ALDH4A1: variants seen among roughly 807,000 people sequenced by gnomAD.
The protein encoded by ALDH4A1 is aldehyde dehydrogenase 4 family member A1, also known as delta-1-pyrroline-5-carboxylate dehydrogenase, mitochondrial.
In ALDH4A1, 46 loss-of-function variants were observed where a neutral mutation model predicts 70.5. The ratio of observed to expected loss-of-function variants is 0.65; its 90% CI spans 0.51 to 0.83. ALDH4A1 has a LOEUF of 0.83. ALDH4A1 is among the 40% of genes least tolerant of loss of function. The pLI is 0.00. For synonymous variants in ALDH4A1, 323 were observed against 324.3 expected (o/e 1.00, Z 0.04); for missense variants, 749 against 766.5 (o/e 0.98, Z 0.27).
chr1:18,874,189 C>A (rs1037361989), intron 14 of ALDH4A1, among the ~76,000 whole-genome samples: 2 of 152,232 alleles, frequency 1.3e-5, no homozygotes, highest in African/African-American at 4.8e-5. Flanking sequence ...GGGACACTGG[C>A]TATGGTGCAG....
At chr1:18,890,501 C>T (rs1161418712) in intron 1 of ALDH4A1, among the ~76,000 whole-genome samples, 1 of 152,098 alleles carries the variant, frequency 6.6e-6, no homozygotes, top group African/African-American at 2.4e-5. Context: ...GAGCCGAGAT[C>T]GTGCCACTGC....
At chr1:18,886,831 G>C (rs572934207) in intron 3 of ALDH4A1, among the ~76,000 whole-genome samples, 1 of 152,160 alleles carries the variant, frequency 6.6e-6, no homozygotes, top group Non-Finnish European at 1.5e-5. Context: ...TCGAATCCTG[G>C]CTCTGCCACC....
At chr1:18,885,061 C>T (rs1391188190) in intron 5 of ALDH4A1, among the ~76,000 whole-genome samples, 1 of 152,050 alleles carries the variant, frequency 6.6e-6, no homozygotes, top group Non-Finnish European at 1.5e-5. Flanking sequence ...TGGGACTTGC[C>T]TCTCAGTGGT....
chr1:18,888,577 G>A (rs1174090634), intron 3 of ALDH4A1, among the ~76,000 whole-genome samples: 2 of 152,258 alleles, frequency 1.3e-5, no homozygotes, highest in Admixed American at 6.5e-5. Flanking sequence ...CGGAGCTACA[G>A]GTGAGGGCAA....
intron 3 of ALDH4A1, among the ~76,000 whole-genome samples, chr1:18,888,035 C>T (rs895903846): frequency 3.9e-5 from 6 of 152,182 alleles, no homozygotes; most frequent in Admixed American, 1.3e-4. Flanking sequence ...GCTACCTATC[C>T]GTCTTCTGGT....
chr1:18,876,351 C>T lies in ALDH4A1; in HGVS notation c.1302G>A (p.Val434=). The part of the protein sequence containing the change: ...SVGYFVEPCI[V]ESKDPQEPIM... ...TGGGCTCCTGAGGGTCCTTGCTCTC[C>T]ACGATGCAGGGCTCCACAAAGTAGC... The change falls in exon 12 of 15, where the codon GTG becomes GTA. Residue 434 remains valine (V), a synonymous_variant. Transcript: ENST00000375341. 1.2e-6 allele frequency: 2 copies of T among 1,613,982 alleles called. No homozygotes were observed. The highest frequency in any genetic ancestry group is 1.7e-6 in the Non-Finnish European group (2 of 1,180,012).
At chr1:18,873,661 G>A (rs932926663) in intron 14 of ALDH4A1, among the ~76,000 whole-genome samples, 2 of 152,198 alleles carry the variant, frequency 1.3e-5, no homozygotes, top group East Asian at 1.9e-4. Context: ...GGCACAGCCC[G>A]AACTCCAGGG....
chr1:18,901,044 C>CATGGG, intron 1 of ALDH4A1: 1 of 289,912 alleles, frequency 3.4e-6, no homozygotes. Flanking sequence ...ATGTAAATTC[C>CATGGG]CTGGGTACCC....
chr1:18,874,696 C>T (rs1050139862), intron 13 of ALDH4A1, 115 bp from the exon 14 acceptor site: 7 of 1,016,726 alleles, frequency 6.9e-6, no homozygotes, highest in African/African-American at 6.5e-5. Flanking sequence ...AACAGGAGGC[C>T]GAGTCAGGGA....
intron 1 of ALDH4A1, among the ~76,000 whole-genome samples, chr1:18,899,259 T>C (rs1458285726): frequency 1.3e-5 from 2 of 152,220 alleles, no homozygotes; most frequent in African/African-American, 2.4e-5. Context: ...AGGAAAAGCA[T>C]TGTGTGCTTT....
At position 18,883,320 on chromosome 1, in the gene ALDH4A1, C is replaced by T. The variant is rs138334153; in HGVS notation, c.562G>A (p.Val188Met). 44 of 1,613,174 alleles carry T rather than the reference C, an allele frequency of 2.7e-5. No homozygotes were observed. The highest frequency in any genetic ancestry group is 3.5e-5 in the Non-Finnish European group (41 of 1,180,050). Residue 188 changes from valine to methionine, a missense_variant, in exon 6 of 15, where the codon GTG (valine) becomes ATG (methionine). Physicochemically the swap from Val to Met is conservative, Grantham distance 21. Transcript: ENST00000375341. The stretch of plus-strand genomic sequence containing the variant: ...ACCGTGCTGTTGGTGCTCGGGGGCA[C>T]GCTGATGGGCTGCTGCCCCTCCAGC... ...VELEGQQPIS[V>M]PPSTNSTVYR...
chr1:18,873,115 A>G (rs914092324), intron 14 of ALDH4A1, among the ~76,000 whole-genome samples, 158 bp from the exon 15 acceptor site: 2 of 152,192 alleles, frequency 1.3e-5, no homozygotes, highest in African/African-American at 2.4e-5. Flanking sequence ...AGGGATGGAC[A>G]GGAGACCCTG....
At chr1:18,882,030 C>A in intron 7 of ALDH4A1, 143 bp from the exon 8 acceptor site, 1 of 866,652 alleles carries the variant, frequency 1.2e-6, no homozygotes, top group Non-Finnish European at 1.9e-6. Flanking sequence ...CCCGACCCCA[C>A]TCCTCCAAGG....
chr1:18,879,279 A>T, intron 9 of ALDH4A1, 21 bp downstream of exon 9: 1 of 1,596,382 alleles, frequency 6.3e-7, no homozygotes, highest in Non-Finnish European at 8.5e-7. Context: ...ACACGGGAGG[A>T]GGAGGTGAGG....
chr1:18,883,626 A>G (rs1935079390), intron 5 of ALDH4A1, among the ~76,000 whole-genome samples, 198 bp from the exon 6 acceptor site: 3 of 152,226 alleles, frequency 2.0e-5, no homozygotes, highest in Admixed American at 2.0e-4. Context: ...CACCTCCTGT[A>G]GCCGGCCCTC....
intron 13 of ALDH4A1, 24 bp from the exon 14 acceptor site, chr1:18,874,605 A>G: frequency 1.3e-5 from 21 of 1,611,060 alleles, no homozygotes; most frequent in Non-Finnish European, 1.8e-5. Flanking sequence ...CAGTGGTGAC[A>G]GAGCAACCAG....
At chr1:18,874,432 A>G (rs1934579663) in intron 14 of ALDH4A1, 31 bp downstream of exon 14, 1 of 1,593,790 alleles carries the variant, frequency 6.3e-7, no homozygotes, top group Non-Finnish European at 8.6e-7. Context: ...CCAGGAACTC[A>G]GCTCCCCTGT....
At chr1:18,887,423 C>T (rs576217676) in intron 3 of ALDH4A1, among the ~76,000 whole-genome samples, 34 of 152,318 alleles carry the variant, frequency 2.2e-4, no homozygotes, top group East Asian at 1.2e-3. Context: ...CATGGTGAAA[C>T]CCTCTCTCTA....
chr1:18,891,440 C>A (rs547071035), intron 1 of ALDH4A1, among the ~76,000 whole-genome samples: 16 of 152,102 alleles, frequency 1.1e-4, no homozygotes, highest in Non-Finnish European at 1.9e-4. Context: ...GTGTCAATGG[C>A]CCCAGACAAC....
Sources: allele counts gnomAD v4.1 joint callset (sites outside exome capture counted in the v4.1 genomes callset), GRCh38; gene constraint gnomAD v4.1.1; transcripts MANE v1.5; gene names NCBI Gene and HGNC (gene_info 2026-07-23, HGNC 2026-07-21).